GPC5: variants seen among roughly 807,000 people sequenced by gnomAD.
GPC5 encodes the protein glypican 5.
GPC5 carries 47 observed loss-of-function variants against 53.9 expected under a neutral mutation model. That is an observed-to-expected ratio of 0.87 (90% CI 0.69 to 1.11). The LOEUF (loss-of-function observed/expected upper bound fraction) is 1.11. GPC5 is among the 50% of genes most tolerant of loss of function. The probability of loss-of-function intolerance (pLI) is 0.00; values close to 1 mark genes in which losing one functional copy is unlikely to be tolerated. For synonymous variants in GPC5, 286 were observed against 263.3 expected, an observed-to-expected ratio of 1.09 and a Z score of -0.84; for missense variants, 748 against 713.1, an observed-to-expected ratio of 1.05 and a Z score of -0.56.
chr13:92,007,972 T>C (rs2040622996), intron 6 of GPC5, among the ~76,000 whole-genome samples: 1 of 152,118 alleles, frequency 6.6e-6, no homozygotes, highest in Admixed American at 6.5e-5. Flanking sequence ...CATTTACTTC[T>C]ACATATGTTA....
At chr13:91,967,285 C>T (rs576927697) in intron 6 of GPC5, among the ~76,000 whole-genome samples, 6 of 152,268 alleles carry the variant, frequency 3.9e-5, no homozygotes, top group Non-Finnish European at 5.9e-5. Flanking sequence ...CCTCCCACAA[C>T]ACATGGGAAT....
intron 7 of GPC5, among the ~76,000 whole-genome samples, chr13:92,734,703 T>G (rs1334598637): frequency 1.3e-5 from 2 of 151,922 alleles, no homozygotes; most frequent in Admixed American, 6.6e-5. Context: ...GAAAATGTAG[T>G]GTACTTAATG....
At chr13:91,992,544 G>A (rs1226084289) in intron 6 of GPC5, among the ~76,000 whole-genome samples, 1 of 150,018 alleles carries the variant, frequency 6.7e-6, no homozygotes, top group East Asian at 2.0e-4. Context: ...TGCAACCTTT[G>A]CCTTCCAGGT....
At chr13:92,725,995 T>C (rs1266858746) in intron 7 of GPC5, among the ~76,000 whole-genome samples, 1 of 151,650 alleles carries the variant, frequency 6.6e-6, no homozygotes, top group Non-Finnish European at 1.5e-5. Flanking sequence ...CTTCCAGCAC[T>C]GATGCACCAT....
chr13:91,976,492 A>G (rs2040303431), intron 6 of GPC5, among the ~76,000 whole-genome samples: 1 of 152,046 alleles, frequency 6.6e-6, no homozygotes, highest in Non-Finnish European at 1.5e-5. Context: ...GATGCCCTAC[A>G]ATTAGGAGTT....
chr13:91,731,390 C>G (rs1247354814), intron 4 of GPC5, among the ~76,000 whole-genome samples: 1 of 152,006 alleles, frequency 6.6e-6, no homozygotes, highest in Non-Finnish European at 1.5e-5. Flanking sequence ...TTGAAGTGGC[C>G]CTAATCTCAG....
At chr13:91,787,639 C>T (rs2037899871) in intron 5 of GPC5, among the ~76,000 whole-genome samples, 2 of 152,052 alleles carry the variant, frequency 1.3e-5, no homozygotes, top group Admixed American at 6.6e-5. Flanking sequence ...GACAGTTTGC[C>T]TATGTATTAA....
chr13:92,527,223 A>AAGAG (rs1253847650), intron 7 of GPC5, among the ~76,000 whole-genome samples: 1 of 47,272 alleles, frequency 2.1e-5, no homozygotes, highest in Non-Finnish European at 3.6e-5. Context: ...GAAAGAAAGA[A>AAGAG]AGAAAGAAAG....
intron 5 of GPC5, among the ~76,000 whole-genome samples, chr13:91,785,848 T>C (rs1350218785): frequency 6.6e-6 from 1 of 152,194 alleles, no homozygotes; most frequent in Non-Finnish European, 1.5e-5. Flanking sequence ...CATCTCCCTC[T>C]GGGATTTCTG....
At chr13:92,331,081 A>T (rs2043284977) in intron 7 of GPC5, among the ~76,000 whole-genome samples, 1 of 152,262 alleles carries the variant, frequency 6.6e-6, no homozygotes, top group South Asian at 2.1e-4. Context: ...AGATTTTTTT[A>T]AATATGTTAA....
intron 2 of GPC5, among the ~76,000 whole-genome samples, chr13:91,463,184 C>A (rs2139150261): frequency 6.6e-6 from 1 of 152,192 alleles, no homozygotes; most frequent in South Asian, 2.1e-4. Flanking sequence ...TACTTTAAAT[C>A]ATCTCTAGAT....
intron 4 of GPC5, among the ~76,000 whole-genome samples, chr13:91,734,255 T>C (rs1362247010): frequency 2.0e-5 from 3 of 151,482 alleles, no homozygotes; most frequent in Non-Finnish European, 4.4e-5. Context: ...ATTTTCATAT[T>C]GATGTTCATC....
intron 6 of GPC5, among the ~76,000 whole-genome samples, chr13:92,105,326 C>T (rs970868948): frequency 3.3e-5 from 5 of 151,994 alleles, no homozygotes; most frequent in Non-Finnish European, 5.9e-5. Context: ...TGAATAGAGA[C>T]GTCTACTTAT....
At chr13:91,463,734 G>A (rs1334270142) in intron 2 of GPC5, among the ~76,000 whole-genome samples, 1 of 151,962 alleles carries the variant, frequency 6.6e-6, no homozygotes, top group Non-Finnish European at 1.5e-5. Context: ...ATATTCATAG[G>A]GGAAACCTAA....
intron 6 of GPC5, among the ~76,000 whole-genome samples, chr13:92,046,753 A>G (rs1446506558): frequency 6.6e-6 from 1 of 152,222 alleles, no homozygotes; most frequent in Non-Finnish European, 1.5e-5. Context: ...GTTAATGAAG[A>G]TAGAATTTTA....
At chr13:92,006,055 ATGT>A (rs761415716) in intron 6 of GPC5, among the ~76,000 whole-genome samples, 3 of 152,198 alleles carry the variant, frequency 2.0e-5, no homozygotes, top group Non-Finnish European at 4.4e-5. Context: ...TTCCTTTCTA[ATGT>A]TGTCACTTGG....
chr13:92,609,345 A>G (rs929214641), intron 7 of GPC5, among the ~76,000 whole-genome samples: 3 of 152,166 alleles, frequency 2.0e-5, no homozygotes, highest in African/African-American at 7.2e-5. Context: ...TTATTACCTT[A>G]GATAAGTTAC....
intron 7 of GPC5, among the ~76,000 whole-genome samples, chr13:92,813,072 C>G (rs1877351189): frequency 6.6e-6 from 1 of 151,790 alleles, no homozygotes; most frequent in African/African-American, 2.4e-5. Context: ...CCTTTCGAAG[C>G]TTATTTACAT....
intron 2 of GPC5, among the ~76,000 whole-genome samples, chr13:91,463,248 A>G (rs958831639): frequency 6.6e-6 from 1 of 152,156 alleles, no homozygotes; most frequent in Admixed American, 6.6e-5. Context: ...CATGGTTTCA[A>G]CATAGTATTT....
Sources: allele counts gnomAD v4.1 joint callset (sites outside exome capture counted in the v4.1 genomes callset), GRCh38; gene constraint gnomAD v4.1.1; transcripts MANE v1.5; gene names NCBI Gene and HGNC (gene_info 2026-07-23, HGNC 2026-07-21).